Variants in PCDHGA8 observed in about 807,000 individuals in gnomAD.
PCDHGA8 encodes protocadherin gamma-A8.
Under a neutral mutation model 59.2 loss-of-function variants are expected in PCDHGA8, and 45 were observed. The ratio of observed to expected loss-of-function variants is 0.76; its 90% CI spans 0.60 to 0.98. The LOEUF (loss-of-function observed/expected upper bound fraction) is 0.98. Ranked by LOEUF, PCDHGA8 falls within the 50% of genes least tolerant of loss-of-function variation. PCDHGA8 has a pLI of 0.00. For synonymous variants in PCDHGA8, 531 were observed against 519.0 expected, an observed-to-expected ratio of 1.02 and a Z score of -0.32; for missense variants, 1,257 against 1,196.2, an observed-to-expected ratio of 1.05 and a Z score of -0.75.
In PCDHGA8 at chr5:141,487,954, T is replaced by C. The variant is rs2099669751; in HGVS notation, c.2425-6853T>C. On this transcript the variant is annotated intron_variant, in intron 1 of 3. Transcript: ENST00000398604. The surrounding 1 kb of genome is among the most constrained non-coding windows in gnomAD (Gnocchi z 5.0). ...GGGTACAGTGCACCAGGCAGTCACTTGGACAAAGGTGGCTGTTTTCTCTAC... is the reference window on the plus strand; with the variant it reads ...GGGTACAGTGCACCAGGCAGTCACTCGGACAAAGGTGGCTGTTTTCTCTAC... Among the ~76,000 whole-genome samples the C allele has an allele frequency of 6.6e-6, 1 of 152,182 alleles. No homozygotes were observed. The highest frequency in any genetic ancestry group is 1.5e-5 in the Non-Finnish European group (1 of 68,020).
intron 1 of PCDHGA8, chr5:141,410,592 T>C: frequency 1.2e-6 from 2 of 1,609,264 alleles, no homozygotes; most frequent in Non-Finnish European, 1.7e-6. Context: ...GGGGAGGATT[T>C]GACTTCACAT....
chr5:141,417,824 G>A (rs2096165363), intron 1 of PCDHGA8: 4 of 1,518,120 alleles, frequency 2.6e-6, no homozygotes, highest in Non-Finnish European at 3.5e-6. Context: ...TTCTCCAACT[G>A]GAAAAGCGGG....
chr5:141,404,718 C>G (rs747745561), intron 1 of PCDHGA8: 1 of 1,614,072 alleles, frequency 6.2e-7, no homozygotes, highest in Admixed American at 1.7e-5. Context: ...TACCTGGTGA[C>G]CAAGGTGGTG....
At chr5:141,428,400 G>C (rs373595231) in intron 1 of PCDHGA8, 4 of 483,290 alleles carry the variant, frequency 8.3e-6, no homozygotes, top group African/African-American at 2.0e-5. Flanking sequence ...CCTCTGCCTG[G>C]GGTTGCTTTC....
intron 1 of PCDHGA8, among the ~76,000 whole-genome samples, chr5:141,442,700 TA>T (rs2098337605): frequency 6.6e-6 from 1 of 152,198 alleles, no homozygotes; most frequent in Non-Finnish European, 1.5e-5. Flanking sequence ...CAGACAAGAG[TA>T]TCAGACATGC....
At position 141,395,259 on chromosome 5, in the gene PCDHGA8, C is replaced by T. The variant is rs1042867033; in HGVS notation, c.2424+22C>T. ...TCAGGTGAGTTTAGTTCTTTGCTTG[C>T]TTTTAATTTCCAGATGAATTTTATT... On this transcript the variant is annotated intron_variant, in intron 1 of 3. Transcript: ENST00000398604. The T allele has an allele frequency of 3.2e-6, 5 of 1,551,850 alleles. No homozygotes were observed. In the Admixed American group the frequency reaches 1.0e-4, roughly 32 times the overall value.
At chr5:141,405,104 C>A in intron 1 of PCDHGA8, 3 of 1,613,940 alleles carry the variant, frequency 1.9e-6, no homozygotes, top group Non-Finnish European at 2.5e-6. Flanking sequence ...CAGGCTGAGG[C>A]ACTGGCACTC....
chr5:141,509,843 C>T (rs1596253565), intron 3 of PCDHGA8, among the ~76,000 whole-genome samples: 1 of 152,178 alleles, frequency 6.6e-6, no homozygotes, highest in African/African-American at 2.4e-5. Context: ...CTCCCATTCA[C>T]TCAGAACAGG....
chr5:141,499,073 G>T (rs2099789305), intron 2 of PCDHGA8, among the ~76,000 whole-genome samples: 1 of 152,064 alleles, frequency 6.6e-6, no homozygotes, highest in Admixed American at 6.5e-5. Flanking sequence ...CTTACATTCT[G>T]AAGTTCCTGC....
At chr5:141,415,462 C>T in intron 1 of PCDHGA8, 1 of 1,614,220 alleles carries the variant, frequency 6.2e-7, no homozygotes. Context: ...CGAGGTCTCT[C>T]TCACCGCGGA....
In PCDHGA8 at chr5:141,511,197, C is replaced by A; in HGVS notation, c.*24C>A. 1 of 1,613,140 alleles carries A rather than the reference C, an allele frequency of 6.2e-7. No individual in the cohort carries two copies. Among genetic ancestry groups the A allele is most frequent in the Non-Finnish European group, 8.5e-7 (1 of 1,179,524 alleles). Reference sequence around the variant, plus strand: ...AACATGGAGGCCAGGCCAAGAGCCACAGGGCGGCCTCTCCCCAACCAGCCC... The same window carrying A: ...AACATGGAGGCCAGGCCAAGAGCCAAAGGGCGGCCTCTCCCCAACCAGCCC... On this transcript the variant is annotated 3_prime_UTR_variant, in exon 4 of 4. Transcript: ENST00000398604.
rs568472427 is a variant in PCDHGA8, at chr5:141,460,924, A to G, written c.2425-33883A>G. 3.3e-4 allele frequency among the ~76,000 whole-genome samples: 50 copies of G among 150,592 alleles called. No homozygotes were observed. The East Asian group carries it at 6.6e-3, about 20-fold the overall frequency. Reference sequence around the variant, plus strand: ...AATATTCCATGGTGTATATATATATATGTGTGTGTGTATATATATGTATTA... The same window carrying G: ...AATATTCCATGGTGTATATATATATGTGTGTGTGTGTATATATATGTATTA... On this transcript the variant is annotated intron_variant, in intron 1 of 3. Coordinates refer to ENST00000398604, the MANE Select transcript of PCDHGA8 (RefSeq NM_032088.2).
chr5:141,416,101 C>CT (rs34144584), intron 1 of PCDHGA8: 1 of 158,972 alleles, frequency 6.3e-6, no homozygotes, highest in Non-Finnish European at 1.4e-5. Context: ...GGCAATAGGC[C>CT]TTTTTCAAAC....
In PCDHGA8 at chr5:141,432,006, C is replaced by T. The variant is rs138689793; in HGVS notation, c.2424+36769C>T. Reference sequence around the variant, plus strand: ...ATAGTCTTGGATAGGGAACAGGTTCCTAGCTACAACATCACAGTGACCGCC... The same window carrying T: ...ATAGTCTTGGATAGGGAACAGGTTCTTAGCTACAACATCACAGTGACCGCC... On this transcript the variant is annotated intron_variant, in intron 1 of 3. Transcript: ENST00000398604. This position sits in a 1 kb window ranked among gnomAD's most constrained non-coding sequence, Gnocchi z 6.0. The T allele has an allele frequency of 2.6e-4, 412 of 1,614,186 alleles. 2 individuals carry two copies. The African/African-American group carries it at 4.6e-3, about 18-fold the overall frequency.
In PCDHGA8 at chr5:141,432,827, A is replaced by G. The variant is rs758445645; in HGVS notation, c.2424+37590A>G. ...AGCTAACTCTGAAACCTCAGACCTC[A>G]CTCTGTACCTGGTGGTAGCGGTGGC... On this transcript the variant is annotated intron_variant, in intron 1 of 3. Transcript: ENST00000398604. The surrounding 1 kb of genome is among the most constrained non-coding windows in gnomAD (Gnocchi z 6.0). 9 of 1,613,142 alleles carry G rather than the reference A, an allele frequency of 5.6e-6. No individual in the cohort carries two copies. Among genetic ancestry groups the G allele is most frequent in the Admixed American group, 1.7e-5 (1 of 59,958 alleles).
At chr5:141,488,866 G>A (rs957501628) in intron 1 of PCDHGA8, among the ~76,000 whole-genome samples, 1 of 152,148 alleles carries the variant, frequency 6.6e-6, no homozygotes, top group African/African-American at 2.4e-5. Flanking sequence ...GAAGTGAGTG[G>A]GGAGGTAGGA....
At chr5:141,407,505 T>TTTTTTTTTTTTTTTTTTTTTTGAG (rs1460306566) in intron 1 of PCDHGA8, among the ~76,000 whole-genome samples, 1 of 152,148 alleles carries the variant, frequency 6.6e-6, no homozygotes, top group African/African-American at 2.4e-5. Context: ...CTGTTTTTCT[T>TTTTTTTTTTTTTTTTTTTTTTGAG]AGGCTATGTA....
chr5:141,434,027 G>A (rs887125944), intron 1 of PCDHGA8, among the ~76,000 whole-genome samples: 3 of 152,130 alleles, frequency 2.0e-5, no homozygotes, highest in Non-Finnish European at 2.9e-5. Flanking sequence ...GATTCTGGAA[G>A]CATGGTTTTC....
rs2099669219 is a variant in PCDHGA8, at chr5:141,487,927, C to T, written c.2425-6880C>T. 3 of 626,498 alleles carry T rather than the reference C, an allele frequency of 4.8e-6. No homozygotes were observed. Among genetic ancestry groups the T allele is most frequent in the Admixed American group, 5.9e-5 (2 of 34,100 alleles). The allele number at this position is 626,498 out of a possible 1,614,324, so 38.8% of individuals were successfully genotyped here. On this transcript the variant is annotated intron_variant, in intron 1 of 3. Coordinates refer to ENST00000398604, the MANE Select transcript of PCDHGA8 (RefSeq NM_032088.2). The surrounding 1 kb of genome is among the most constrained non-coding windows in gnomAD (Gnocchi z 5.0). ...TGGGAGCACAGGAGGCTACAGTGCA[C>T]AGGGTACAGTGCACCAGGCAGTCAC...
Sources: allele counts gnomAD v4.1 joint callset (sites outside exome capture counted in the v4.1 genomes callset), GRCh38; gene constraint gnomAD v4.1.1; non-coding constraint Gnocchi (gnomAD v3.1); transcripts MANE v1.5; gene names NCBI Gene and HGNC (gene_info 2026-07-23, HGNC 2026-07-21).